Variants in PEMT observed in about 807,000 individuals in gnomAD.
PEMT encodes phosphatidylethanolamine N-methyltransferase.
A neutral mutation model predicts 27.4 loss-of-function variants in PEMT; 23 were observed. The ratio of observed to expected loss-of-function variants is 0.84; its 90% CI spans 0.60 to 1.19. The LOEUF is 1.19. Ranked by LOEUF, PEMT falls within the 50% of genes most tolerant of loss-of-function variation. The pLI is 0.00. For missense variants in PEMT, 307 were observed against 310.1 expected, an observed-to-expected ratio of 0.99 and a Z score of 0.07; for synonymous variants, 137 against 139.1, an observed-to-expected ratio of 0.98 and a Z score of 0.11.
chr17:17,560,748 G>A (rs116073406), intron 2 of PEMT, among the ~76,000 whole-genome samples: 3 of 152,146 alleles, frequency 2.0e-5, no homozygotes, highest in South Asian at 2.1e-4. Flanking sequence ...CACCCTTCGC[G>A]TCCACACCAG....
At chr17:17,552,487 C>T (rs1010205533) in intron 2 of PEMT, among the ~76,000 whole-genome samples, 9 of 152,226 alleles carry the variant, frequency 5.9e-5, no homozygotes, top group African/African-American at 1.7e-4. Context: ...TGCTGATCCC[C>T]GTGAGGAGAC....
chr17:17,556,402 C>G (rs1185194450), intron 2 of PEMT, among the ~76,000 whole-genome samples: 1 of 149,982 alleles, frequency 6.7e-6, no homozygotes, highest in East Asian at 1.9e-4. Flanking sequence ...TAGACGGAGT[C>G]TCGCTCTGTC....
chr17:17,581,660 G>A (rs1048605351), intron 1 of PEMT, among the ~76,000 whole-genome samples: 5 of 152,182 alleles, frequency 3.3e-5, no homozygotes, highest in African/African-American at 1.2e-4. Context: ...TCCCAATTAG[G>A]GCTGAACTGG....
At chr17:17,538,806 G>C (rs73296555) in intron 2 of PEMT, among the ~76,000 whole-genome samples, 3,312 of 152,278 alleles carry the variant, frequency 0.022, 103 homozygotes, top group African/African-American at 0.07. Flanking sequence ...CCGCCTTCTT[G>C]GGTCAATATT....
At chr17:17,539,180 T>C (rs1908705236) in intron 2 of PEMT, among the ~76,000 whole-genome samples, 1 of 152,186 alleles carries the variant, frequency 6.6e-6, no homozygotes, top group Non-Finnish European at 1.5e-5. Context: ...GGGGTCTCGC[T>C]ATGTTGCCCA....
chr17:17,509,633 G>T, intron 4 of PEMT, 88 bp from the exon 5 acceptor site: 1 of 894,562 alleles, frequency 1.1e-6, no homozygotes, highest in Non-Finnish European at 1.9e-6. Flanking sequence ...GGGCTGTGGC[G>T]AGACCTGCAG....
intron 5 of PEMT, chr17:17,507,151 A>G (rs756529808): frequency 2.2e-5 from 35 of 1,557,636 alleles, no homozygotes; most frequent in Non-Finnish European, 2.5e-5. Flanking sequence ...CTGTCCCCCA[A>G]TCTATTTCTA....
chr17:17,527,484 T>C (rs1907757991), intron 2 of PEMT, among the ~76,000 whole-genome samples: 1 of 152,238 alleles, frequency 6.6e-6, no homozygotes, highest in African/African-American at 2.4e-5. Flanking sequence ...CCGGCTCCTC[T>C]ACTTGCAGCT....
chr17:17,528,723 G>A (rs543631592), intron 2 of PEMT, among the ~76,000 whole-genome samples: 6 of 152,298 alleles, frequency 3.9e-5, no homozygotes, highest in African/African-American at 1.4e-4. Context: ...CAGAGGCGGT[G>A]GAGCCCAGCC....
At chr17:17,551,086 G>A (rs1468377812) in intron 2 of PEMT, among the ~76,000 whole-genome samples, 1 of 152,120 alleles carries the variant, frequency 6.6e-6, no homozygotes, top group East Asian at 1.9e-4. Flanking sequence ...TGGGAGAACG[G>A]GTGCAAAGGT....
rs1910439027 is a variant in PEMT, at chr17:17,561,057, A to G, written c.204+15863T>C. Among the ~76,000 whole-genome samples, 1 of 151,604 alleles carries G rather than the reference A, an allele frequency of 6.6e-6. No individual in the cohort carries two copies. The highest frequency in any genetic ancestry group is 1.5e-5 in the Non-Finnish European group (1 of 67,938). On this transcript the variant is annotated intron_variant, in intron 2 of 6. Coordinates refer to ENST00000255389, the MANE Select transcript of PEMT (RefSeq NM_148172.3). This position sits in a 1 kb window ranked among gnomAD's most constrained non-coding sequence, Gnocchi z 4.5. ...TCCCCTCTCTCCTCCCTTCCTCCAG[A>G]CCCCACACTCAAATCCTATTTGCCT...
At chr17:17,527,123 C>T (rs1356493389) in intron 2 of PEMT, among the ~76,000 whole-genome samples, 6 of 152,192 alleles carry the variant, frequency 3.9e-5, no homozygotes, top group South Asian at 2.1e-4. Flanking sequence ...CCACAACCTC[C>T]GCCTCCCGGG....
intron 2 of PEMT, among the ~76,000 whole-genome samples, chr17:17,568,989 G>A (rs181251836): frequency 5.3e-5 from 8 of 152,226 alleles, no homozygotes; most frequent in Middle Eastern, 3.4e-3. Flanking sequence ...CCCAGCCAGC[G>A]GCCCAGCGCA....
chr17:17,507,066 C>G (rs367579111), intron 5 of PEMT: 3 of 1,101,046 alleles, frequency 2.7e-6, no homozygotes, highest in East Asian at 5.2e-5. Context: ...CAGTAAGCAG[C>G]GGCAGCTCGT....
At chr17:17,521,571 A>C (rs1238402106) in intron 3 of PEMT, among the ~76,000 whole-genome samples, 6 of 152,110 alleles carry the variant, frequency 3.9e-5, no homozygotes, top group Non-Finnish European at 2.9e-5. Flanking sequence ...TTTTAAAAAA[A>C]AAAAAAATGT....
chr17:17,577,205 T>A (rs1911660144), intron 1 of PEMT, among the ~76,000 whole-genome samples, 178 bp from the exon 2 acceptor site: 2 of 152,144 alleles, frequency 1.3e-5, no homozygotes. Context: ...TGAAACCTAA[T>A]GAGCTGTGTC....
chr17:17,574,444 C>T lies in PEMT; in HGVS notation c.204+2476G>A, dbSNP rs557387842. On this transcript the variant is annotated intron_variant, in intron 2 of 6. Transcript: ENST00000255389. Reference sequence around the variant, plus strand: ...AAGAGATTCTCCTGCCCCAGCCTCCCGAGTAGCTGGGACTACAGGCGTACA... The same window carrying T: ...AAGAGATTCTCCTGCCCCAGCCTCCTGAGTAGCTGGGACTACAGGCGTACA... Among the ~76,000 whole-genome samples, 7 of 151,770 alleles carry T rather than the reference C, an allele frequency of 4.6e-5. No homozygotes were observed. The East Asian group carries it at 1.4e-3, about 29-fold the overall frequency.
intron 2 of PEMT, among the ~76,000 whole-genome samples, chr17:17,549,181 T>A (rs1192045775): frequency 6.6e-6 from 1 of 152,212 alleles, no homozygotes; most frequent in Non-Finnish European, 1.5e-5. Flanking sequence ...TTTAACAAAA[T>A]TTTTATTTAT....
chr17:17,564,093 G>A (rs1567730495), intron 2 of PEMT, among the ~76,000 whole-genome samples: 1 of 152,214 alleles, frequency 6.6e-6, no homozygotes, highest in Non-Finnish European at 1.5e-5. Context: ...AATCCCACCA[G>A]CCCCAGGGCG....
Sources: gnomAD v4.1 joint callset for allele counts (sites outside exome capture counted in the v4.1 genomes callset) on GRCh38, gnomAD v4.1.1 for gene constraint, Gnocchi (gnomAD v3.1) non-coding constraint, MANE v1.5 for transcripts, NCBI Gene and HGNC (gene_info 2026-07-23, HGNC 2026-07-21) for gene names.